SP100: variants seen among roughly 807,000 people sequenced by gnomAD.
The protein encoded by SP100 is SP100 nuclear body protein.
Under a neutral mutation model 130.0 loss-of-function variants are expected in SP100, and 84 were observed. That is an observed-to-expected ratio of 0.65 (90% CI 0.54 to 0.77). SP100 has a LOEUF of 0.77. Among genes scored for constraint, SP100 ranks in the 30% least tolerant of loss-of-function variants. SP100 has a pLI of 0.00. For missense variants in SP100, 978 were observed against 1,052.2 expected, an observed-to-expected ratio of 0.93 and a Z score of 0.97; for synonymous variants, 331 against 351.7, an observed-to-expected ratio of 0.94 and a Z score of 0.66.
chr2:230,539,159 T>G (rs1336070267), intron 24 of SP100, 108 bp from the exon 25 acceptor site: 4 of 691,266 alleles, frequency 5.8e-6, no homozygotes, highest in Non-Finnish European at 1.0e-5. Context: ...ATCTTTAATA[T>G]TTTGAGGACA....
At chr2:230,449,280 T>C (rs574589737) in intron 6 of SP100, 130 bp downstream of exon 6, 3 of 992,904 alleles carry the variant, frequency 3.0e-6, no homozygotes, top group Non-Finnish European at 3.2e-6. Context: ...TTTTTCCATT[T>C]CTGGGATTTA....
At chr2:230,516,187 T>A (rs1690907937) in intron 24 of SP100, 1 of 465,126 alleles carries the variant, frequency 2.1e-6, no homozygotes, top group Non-Finnish European at 2.8e-6. Context: ...AAAACAATCT[T>A]GTCATACTTG....
At chr2:230,484,517 C>T (rs2065974649) in intron 17 of SP100, among the ~76,000 whole-genome samples, 1 of 152,212 alleles carries the variant, frequency 6.6e-6, no homozygotes, top group Non-Finnish European at 1.5e-5. Flanking sequence ...TCCCCAAGAA[C>T]ACGCCATGAT....
intron 24 of SP100, among the ~76,000 whole-genome samples, chr2:230,524,354 C>T (rs1452619241): frequency 3.3e-5 from 3 of 91,508 alleles, no homozygotes; most frequent in Admixed American, 1.3e-4. Flanking sequence ...GAGATTCCAT[C>T]TCAAAAAAAA....
intron 27 of SP100, among the ~76,000 whole-genome samples, 179 bp from the exon 28 acceptor site, chr2:230,541,713 T>G (rs1431672169): frequency 6.6e-6 from 1 of 152,168 alleles, no homozygotes; most frequent in Non-Finnish European, 1.5e-5. Context: ...CTAATCCTAT[T>G]CATGAGGGCT....
intron 21 of SP100, among the ~76,000 whole-genome samples, 153 bp from the exon 22 acceptor site, chr2:230,506,150 C>T (rs1690081252): frequency 1.3e-5 from 2 of 152,180 alleles, no homozygotes; most frequent in Admixed American, 6.5e-5. Context: ...TTCCTTCAGG[C>T]TGGGTATGAA....
chr2:230,451,269 G>C (rs564509617), intron 8 of SP100, among the ~76,000 whole-genome samples: 2 of 152,124 alleles, frequency 1.3e-5, no homozygotes, highest in Admixed American at 6.6e-5. Context: ...GTGTACAAAG[G>C]TTCCCTTTTC....
intron 2 of SP100, among the ~76,000 whole-genome samples, chr2:230,441,752 C>T (rs1461213089): frequency 6.6e-6 from 1 of 152,124 alleles, no homozygotes; most frequent in African/African-American, 2.4e-5. Context: ...TGTGGGTTGA[C>T]GGGCAGGGCA....
Position 230,498,208 on chromosome 2 carries a change from G to A in SP100, c.1646-253G>A, listed in dbSNP as rs145290493. On this transcript the variant is annotated intron_variant, in intron 18 of 28. Coordinates refer to ENST00000340126, the MANE Select transcript of SP100 (RefSeq NM_001080391.2). ...TCTTTGGGATATAAATGAAACTGTC[G>A]TAAATTCTTTTTAAAATTAATGTTG... Among the ~76,000 whole-genome samples the A allele has an allele frequency of 1.3e-3, 198 of 152,140 alleles. 2 individuals are homozygous for A. Among genetic ancestry groups the A allele is most frequent in the African/African-American group, 4.2e-3 (176 of 41,510 alleles).
chr2:230,493,350 TGGGACTACA>T (rs2066490136), intron 17 of SP100, among the ~76,000 whole-genome samples: 1 of 152,178 alleles, frequency 6.6e-6, no homozygotes, highest in Non-Finnish European at 1.5e-5. Flanking sequence ...CCCAAGTAGC[TGGGACTACA>T]GGCATGTGCC....
intron 17 of SP100, among the ~76,000 whole-genome samples, chr2:230,491,850 G>T (rs1308414064): frequency 2.6e-5 from 4 of 152,160 alleles, no homozygotes; most frequent in Non-Finnish European, 4.4e-5. Context: ...TTAGGTTCTA[G>T]CCAATGGCAT....
At chr2:230,434,311 A>G (rs1040345799) in intron 2 of SP100, among the ~76,000 whole-genome samples, 15 of 152,200 alleles carry the variant, frequency 9.9e-5, no homozygotes, top group African/African-American at 3.4e-4. Context: ...TGAATACACA[A>G]TTAGGTTGTT....
chr2:230,524,852 G>T (rs938555740), intron 24 of SP100, among the ~76,000 whole-genome samples: 2 of 152,106 alleles, frequency 1.3e-5, no homozygotes, highest in Non-Finnish European at 2.9e-5. Context: ...ACATTACTAA[G>T]GACAAGAATT....
At chr2:230,532,843 C>T (rs540507650) in intron 24 of SP100, among the ~76,000 whole-genome samples, 1 of 152,268 alleles carries the variant, frequency 6.6e-6, no homozygotes, top group East Asian at 1.9e-4. Flanking sequence ...TGCAGTGTCG[C>T]GATCTTGGCT....
At chr2:230,470,968 A>G (rs3754947) in intron 15 of SP100, among the ~76,000 whole-genome samples, 75,665 of 151,918 alleles carry the variant, frequency 0.5, 19,390 homozygotes, top group African/African-American at 0.6. Flanking sequence ...ACACACACAT[A>G]TGTGTGTGTA....
chr2:230,518,169 T>C (rs957466585), intron 24 of SP100, among the ~76,000 whole-genome samples: 1 of 152,074 alleles, frequency 6.6e-6, no homozygotes, highest in African/African-American at 2.4e-5. Flanking sequence ...CCAAAAATAT[T>C]TATAACTTTC....
chr2:230,455,252 C>G (rs1243563103), intron 8 of SP100, among the ~76,000 whole-genome samples: 2 of 152,024 alleles, frequency 1.3e-5, no homozygotes, highest in African/African-American at 2.4e-5. Context: ...TTTATAGAGA[C>G]AGGATTGCCT....
Position 230,480,215 on chromosome 2 carries a change from G to A in SP100, c.1600+5768G>A, listed in dbSNP as rs186004476. Among the ~76,000 whole-genome samples the A allele has an allele frequency of 1.2e-4, 18 of 152,324 alleles. 1 individual carries two copies. In the East Asian group the frequency reaches 3.5e-3, roughly 29 times the overall value. The stretch of plus-strand genomic sequence containing the variant: ...TCACAACTGTATCCTCAGCATCTAG[G>A]ATAGTGGGTTGATTCACAGTAAGTG... On this transcript the variant is annotated intron_variant, in intron 17 of 28. Transcript: ENST00000340126.
intron 8 of SP100, among the ~76,000 whole-genome samples, chr2:230,451,049 T>G (rs1188660806): frequency 6.6e-6 from 1 of 152,238 alleles, no homozygotes; most frequent in Non-Finnish European, 1.5e-5. Context: ...TAAATGCATT[T>G]TTGACTTATG....
Sources: gnomAD v4.1 joint callset for allele counts (sites outside exome capture counted in the v4.1 genomes callset) on GRCh38, gnomAD v4.1.1 for gene constraint, MANE v1.5 for transcripts, NCBI Gene and HGNC (gene_info 2026-07-23, HGNC 2026-07-21) for gene names.